GCNT1: variants seen among roughly 807,000 people sequenced by gnomAD.
The protein encoded by GCNT1 is beta-1,3-galactosyl-O-glycosyl-glycoprotein beta-1,6-N-acetylglucosaminyltransferase.
A neutral mutation model predicts 26.2 loss-of-function variants in GCNT1; 16 were observed. That is an observed-to-expected ratio of 0.61 (90% CI 0.41 to 0.93). The LOEUF (loss-of-function observed/expected upper bound fraction) is 0.93. Among genes scored for constraint, GCNT1 ranks in the 40% least tolerant of loss-of-function variants. The pLI, the probability that GCNT1 is intolerant of heterozygous loss-of-function variation, is 0.00. For missense variants in GCNT1, 477 were observed against 526.7 expected (o/e 0.91, Z 0.92); for synonymous variants, 183 against 190.8 (o/e 0.96, Z 0.34).
intron 1 of GCNT1, among the ~76,000 whole-genome samples, chr9:76,434,481 T>C (rs77575191): frequency 3.9e-5 from 6 of 152,254 alleles, no homozygotes; most frequent in Non-Finnish European, 8.8e-5. Context: ...AATCCTGTTA[T>C]CTTTGTAAGC....
chr9:76,492,167 A>C (rs1384458343), intron 2 of GCNT1, among the ~76,000 whole-genome samples: 1 of 152,144 alleles, frequency 6.6e-6, no homozygotes, highest in Non-Finnish European at 1.5e-5. Flanking sequence ...GGAAGGCTTA[A>C]GGCTGGAGCT....
intron 2 of GCNT1, among the ~76,000 whole-genome samples, chr9:76,476,603 G>A (rs1378576000): frequency 6.6e-6 from 1 of 151,800 alleles, no homozygotes; most frequent in Non-Finnish European, 1.5e-5. Flanking sequence ...AGATATTTCT[G>A]CTCAAGCCCA....
intron 1 of GCNT1, among the ~76,000 whole-genome samples, chr9:76,425,848 G>A (rs970674549): frequency 3.3e-5 from 5 of 152,142 alleles, no homozygotes; most frequent in African/African-American, 1.2e-4. Flanking sequence ...CTCTTGTGCT[G>A]AGTCAGTTTT....
At chr9:76,397,134 T>C in the GCNT1 span, among the ~76,000 whole-genome samples, 1 of 152,052 alleles carries the variant, frequency 6.6e-6, no homozygotes, top group Non-Finnish European at 1.5e-5. Context: ...ATACAAAAAT[T>C]AGCCAGGCAT....
intron 1 of GCNT1, among the ~76,000 whole-genome samples, chr9:76,447,413 A>G (rs1423622107): frequency 6.6e-6 from 1 of 151,268 alleles, no homozygotes. Context: ...GCTAATTTTT[A>G]TTTTTATTTT....
intron 1 of GCNT1, among the ~76,000 whole-genome samples, chr9:76,450,213 C>A (rs965423026): frequency 6.6e-6 from 1 of 152,176 alleles, no homozygotes; most frequent in African/African-American, 2.4e-5. Flanking sequence ...TCTTAACATT[C>A]CTTTACTCCA....
chr9:76,397,012 T>G, the GCNT1 span, among the ~76,000 whole-genome samples: 1 of 152,150 alleles, frequency 6.6e-6, no homozygotes, highest in Non-Finnish European at 1.5e-5. Flanking sequence ...CCGGGCGCAG[T>G]GGCTCTTGCC....
At chr9:76,482,811 ATTTTTTTTT>A (rs56267257) in intron 2 of GCNT1, among the ~76,000 whole-genome samples, 1 of 115,884 alleles carries the variant, frequency 8.6e-6, no homozygotes, top group African/African-American at 3.3e-5. Flanking sequence ...CACCGGGCTA[ATTTTTTTTT>A]TTTTTTTTTT....
upstream of GCNT1, chr9:76,441,600 T>A (rs562059599): frequency 2.1e-4 from 32 of 152,392 alleles, no homozygotes; most frequent in African/African-American, 6.7e-4. Flanking sequence ...TGGGCTATAT[T>A]TTCATCATAG....
At chr9:76,397,309 G>T in the GCNT1 span, among the ~76,000 whole-genome samples, 5 of 127,654 alleles carry the variant, frequency 3.9e-5, no homozygotes, top group Admixed American at 3.7e-4. Flanking sequence ...TAAATAGATA[G>T]ATTTAAAAAA....
At chr9:76,410,853 C>A in the GCNT1 span, among the ~76,000 whole-genome samples, 1 of 152,298 alleles carries the variant, frequency 6.6e-6, no homozygotes, top group Admixed American at 6.5e-5. Context: ...TTTTGCCCCA[C>A]ATATTTTACA....
intron 1 of GCNT1, among the ~76,000 whole-genome samples, chr9:76,425,134 G>T (rs1407756711): frequency 1.4e-5 from 1 of 72,426 alleles, no homozygotes; most frequent in African/African-American, 5.7e-5. Context: ...ACGAAACTCC[G>T]TCTAAAAAAA....
At chr9:76,467,350 T>G (rs1213441622) in intron 2 of GCNT1, among the ~76,000 whole-genome samples, 1 of 152,098 alleles carries the variant, frequency 6.6e-6, no homozygotes, top group African/African-American at 2.4e-5. Context: ...CCTCAGCTGA[T>G]CTTTTGATGG....
chr9:76,410,035 GT>G, the GCNT1 span, among the ~76,000 whole-genome samples: 1 of 152,020 alleles, frequency 6.6e-6, no homozygotes, highest in Non-Finnish European at 1.5e-5. Flanking sequence ...TTAGAGTATG[GT>G]TTAATTTCCA....
At chr9:76,492,945 G>A (rs1824788400) in intron 2 of GCNT1, among the ~76,000 whole-genome samples, 2 of 152,106 alleles carry the variant, frequency 1.3e-5, no homozygotes, top group East Asian at 1.9e-4. Context: ...CAGGGCCCAG[G>A]ACTCACTTTT....
chr9:76,432,563 C>T (rs902945775), intron 1 of GCNT1, among the ~76,000 whole-genome samples: 8 of 152,144 alleles, frequency 5.3e-5, no homozygotes, highest in African/African-American at 1.7e-4. Flanking sequence ...TGGTTGAGAA[C>T]TCCTGAGCCT....
intron 2 of GCNT1, among the ~76,000 whole-genome samples, chr9:76,500,500 T>C (rs980476793): frequency 6.6e-6 from 1 of 152,160 alleles, no homozygotes; most frequent in African/African-American, 2.4e-5. Context: ...GGGGTGGTGA[T>C]CAAGATTGTT....
At chr9:76,449,498 A>G (rs1440678873) in intron 1 of GCNT1, among the ~76,000 whole-genome samples, 2 of 152,146 alleles carry the variant, frequency 1.3e-5, no homozygotes, top group Non-Finnish European at 2.9e-5. Context: ...CCCTTTGCAA[A>G]GGTGATGCCC....
chr9:76,438,205 T>C (rs1315450688), upstream of GCNT1, among the ~76,000 whole-genome samples: 1 of 152,202 alleles, frequency 6.6e-6, no homozygotes, highest in Non-Finnish European at 1.5e-5. Flanking sequence ...TAGGGAGACA[T>C]AATGCATCAA....
Sources: gnomAD v4.1 joint callset for allele counts (sites outside exome capture counted in the v4.1 genomes callset) on GRCh38, gnomAD v4.1.1 for gene constraint, MANE v1.5 for transcripts, NCBI Gene and HGNC (gene_info 2026-07-23, HGNC 2026-07-21) for gene names.